The following FGF3 variants were observed in gnomAD, a reference collection of about 807,000 sequenced individuals.
The protein encoded by FGF3 is FGF-3.
In FGF3, 7 loss-of-function variants were observed where a neutral mutation model predicts 9.8. The ratio of observed to expected loss-of-function variants is 0.72; its 90% CI spans 0.41 to 1.35. FGF3 has a LOEUF of 1.35. Ranked by LOEUF, FGF3 falls within the 40% of genes most tolerant of loss-of-function variation. FGF3 has a pLI of 0.01. For missense variants in FGF3, 390 were observed against 345.6 expected, an observed-to-expected ratio of 1.13 and a Z score of -1.02; for synonymous variants, 173 against 157.2, an observed-to-expected ratio of 1.10 and a Z score of -0.75.
chr11:69,817,160 C>T (rs1428092335), intron 1 of FGF3, among the ~76,000 whole-genome samples: 1 of 151,674 alleles, frequency 6.6e-6, no homozygotes, highest in Non-Finnish European at 1.5e-5. Context: ...GGGCTGGGGG[C>T]GGGGGACTAC....
At chr11:69,814,388 G>C (rs950577707) in intron 2 of FGF3, among the ~76,000 whole-genome samples, 1 of 152,034 alleles carries the variant, frequency 6.6e-6, no homozygotes, top group African/African-American at 2.4e-5. Context: ...GGCTGGTGGG[G>C]CGATGATTAA....
In FGF3 at chr11:69,819,022, C is replaced by A; in HGVS notation, c.-89G>T. ...GCGGCAGCCGGACAGCTGCGAGGTGCTCGGAGCGGGATCCCGCGCCTGGAG... is the reference window on the plus strand; with the variant it reads ...GCGGCAGCCGGACAGCTGCGAGGTGATCGGAGCGGGATCCCGCGCCTGGAG... On this transcript the variant is annotated 5_prime_UTR_variant, in exon 1 of 3. Coordinates refer to ENST00000334134, the MANE Select transcript of FGF3 (RefSeq NM_005247.4). 1 of 859,868 alleles carries A rather than the reference C, an allele frequency of 1.2e-6. No individual in the cohort carries two copies. 53.3% of individuals were successfully genotyped at this position (859,868 alleles called of 1,614,324 possible).
chr11:69,810,102 G>A lies in FGF3; in HGVS notation c.*203C>T, dbSNP rs1855997868. The A allele has an allele frequency of 2.2e-5, 12 of 548,920 alleles. No individual in the cohort carries two copies. The Admixed American group carries it at 3.1e-4, about 14-fold the overall frequency. The allele number at this position is 548,920 out of a possible 1,614,324, so 34.0% of individuals were successfully genotyped here. A position where few individuals can be genotyped will look rare whatever the true frequency, so the allele number is the denominator to read the frequency against. ...CTTCCTGCCACACAGACCCACAAAT[G>A]CCCTGCATTGCAGGCAGCCCCCTCC... On this transcript the variant is annotated 3_prime_UTR_variant, in exon 3 of 3. Transcript: ENST00000334134.
At chr11:69,817,726 G>A (rs1554981244) in intron 1 of FGF3, among the ~76,000 whole-genome samples, 1 of 152,204 alleles carries the variant, frequency 6.6e-6, no homozygotes, top group Non-Finnish European at 1.5e-5. Context: ...TCCTGCGCCC[G>A]GGGCCGGAGC....
At chr11:69,813,752 A>ATTGG (rs1856070874) in intron 2 of FGF3, among the ~76,000 whole-genome samples, 1 of 52,316 alleles carries the variant, frequency 1.9e-5, no homozygotes. Context: ...GGCTGGATGG[A>ATTGG]TGGATGGGTG....
At chr11:69,818,215 G>A (rs1856172912) in intron 1 of FGF3, among the ~76,000 whole-genome samples, 1 of 152,234 alleles carries the variant, frequency 6.6e-6, no homozygotes. Flanking sequence ...CGGAGGGGAC[G>A]GCGGGGCGTC....
intron 1 of FGF3, among the ~76,000 whole-genome samples, chr11:69,818,089 C>G (rs1034585657): frequency 1.4e-5 from 2 of 143,618 alleles, no homozygotes; most frequent in Non-Finnish European, 3.1e-5. Flanking sequence ...GATTCCAGCG[C>G]GGGGAATAAC....
chr11:69,817,667 C>T (rs959055923), intron 1 of FGF3: 1 of 152,260 alleles, frequency 6.6e-6, no homozygotes. Flanking sequence ...CTGGAGGAAG[C>T]CGCGGTTTGC....
chr11:69,818,841 G>A lies in FGF3; in HGVS notation c.93C>T (p.Gly31=), dbSNP rs2119940240. 6.8e-7 allele frequency: 1 copy of A among 1,475,602 alleles called. No individual in the cohort carries two copies. Among genetic ancestry groups the A allele is most frequent in the Non-Finnish European group, 8.9e-7 (1 of 1,119,810 alleles). 91.4% of individuals were successfully genotyped at this position (1,475,602 alleles called of 1,614,324 possible). A position where few individuals can be genotyped will look rare whatever the true frequency, so the allele number is the denominator to read the frequency against. The stretch of plus-strand genomic sequence containing the variant: ...CAAGGTGCTCGTAGACGCCGCCACG[G>A]CCGCCCGCATCGCGCCGCAACCGCG... ...PGARLRRDAG[G]RGGVYEHLGG... Residue 31 remains glycine, a synonymous_variant, in exon 1 of 3, where the codon GGC becomes GGT. Transcript: ENST00000334134.
rs369001003 is a variant in FGF3 at position 69,816,320 on chromosome 11, C to A, written c.324G>T (p.Ser108=). Residue 108 remains serine, a splice_region_variant and synonymous_variant, in exon 2 of 3, where the codon TCG becomes TCT. Coordinates refer to ENST00000334134, the MANE Select transcript of FGF3 (RefSeq NM_005247.4). ...CACCCACGTGACAGCCTGGACTCAC[C>A]GAAGCATAGAGTCGTCCCCTCTTGT... is the stretch of plus-strand genomic sequence containing the variant. ...AMNKRGRLYA[S]EHYSAECEFV... 1.2e-6 allele frequency: 2 copies of A among 1,612,538 alleles called. No homozygotes were observed. The highest frequency in any genetic ancestry group is 4.5e-5 in the East Asian group (2 of 44,862).
chr11:69,814,156 A>C (rs1372150168), intron 2 of FGF3, among the ~76,000 whole-genome samples: 2 of 152,052 alleles, frequency 1.3e-5, no homozygotes, highest in Non-Finnish European at 2.9e-5. Flanking sequence ...AGATGGATGG[A>C]TGGCTTGACA....
chr11:69,818,450 C>T (rs1286017156), intron 1 of FGF3, among the ~76,000 whole-genome samples: 1 of 152,146 alleles, frequency 6.6e-6, no homozygotes, highest in Non-Finnish European at 1.5e-5. Flanking sequence ...CGGACGTGAA[C>T]GCCCATGCCC....
chr11:69,817,741 C>A (rs1298842414), intron 1 of FGF3, among the ~76,000 whole-genome samples: 3 of 152,084 alleles, frequency 2.0e-5, no homozygotes, highest in Non-Finnish European at 2.9e-5. Flanking sequence ...CGGAGCCGAG[C>A]GCCGCGCGGA....
chr11:69,815,733 A>G (rs1554981033), intron 2 of FGF3, among the ~76,000 whole-genome samples: 2 of 152,166 alleles, frequency 1.3e-5, no homozygotes, highest in African/African-American at 2.4e-5. Flanking sequence ...CCATACCCAC[A>G]GAGTAAGGAG....
intron 2 of FGF3, among the ~76,000 whole-genome samples, chr11:69,813,796 ATGGATGGATGGGTGGATGGG>A (rs1565115006): frequency 9.7e-5 from 12 of 123,622 alleles, no homozygotes; most frequent in Non-Finnish European, 1.5e-4. Context: ...GGATGGATGG[ATGGATGGATGGGTGGATGGG>A]TGGATGGGTG....
At chr11:69,816,718 C>A (rs782788442) in intron 1 of FGF3, among the ~76,000 whole-genome samples, 6 of 152,180 alleles carry the variant, frequency 3.9e-5, no homozygotes, top group Non-Finnish European at 8.8e-5. Context: ...CCTCACAACA[C>A]CTTGCCAGCT....
chr11:69,816,128 C>T (rs1326254867), intron 2 of FGF3, among the ~76,000 whole-genome samples, 192 bp downstream of exon 2: 6 of 152,308 alleles, frequency 3.9e-5, no homozygotes, highest in Non-Finnish European at 7.4e-5. Context: ...CCAGGTCACT[C>T]GCGGAGCAGC....
chr11:69,813,616 GTGGA>G (rs1856063922), intron 2 of FGF3, among the ~76,000 whole-genome samples: 2 of 48,030 alleles, frequency 4.2e-5, no homozygotes, highest in South Asian at 5.8e-4. Flanking sequence ...GGATGGATGG[GTGGA>G]TGGATGGATG....
At chr11:69,812,432 C>T (rs1287024621) in intron 2 of FGF3, among the ~76,000 whole-genome samples, 1 of 152,118 alleles carries the variant, frequency 6.6e-6, no homozygotes, top group African/African-American at 2.4e-5. Context: ...AACCCCAAGC[C>T]CCCCTGCTCT....
Sources: gnomAD v4.1 joint callset for allele counts (sites outside exome capture counted in the v4.1 genomes callset) on GRCh38, gnomAD v4.1.1 for gene constraint, MANE v1.5 for transcripts, NCBI Gene and HGNC (gene_info 2026-07-23, HGNC 2026-07-21) for gene names.